PTPN13: variants seen among roughly 807,000 people sequenced by gnomAD.
PTPN13 encodes tyrosine-protein phosphatase non-receptor type 13.
In PTPN13, 191 loss-of-function variants were observed where a neutral mutation model predicts 284.0. The ratio of observed to expected loss-of-function variants is 0.67; its 90% CI spans 0.60 to 0.76. The LOEUF is 0.76. PTPN13 is among the 30% of genes least tolerant of loss of function. The pLI is 0.00. For missense variants in PTPN13, 2,797 were observed against 2,939.9 expected (o/e 0.95, Z 1.12); for synonymous variants, 986 against 1,022.3 (o/e 0.96, Z 0.68).
At chr4:86,707,017 A>G (rs1186452212) in intron 7 of PTPN13, among the ~76,000 whole-genome samples, 2 of 152,080 alleles carry the variant, frequency 1.3e-5, no homozygotes, top group African/African-American at 2.4e-5. Context: ...TATCTGACAA[A>G]TGTCTCTTTC....
chr4:86,627,072 C>T (rs934179234), intron 1 of PTPN13, among the ~76,000 whole-genome samples: 4 of 151,952 alleles, frequency 2.6e-5, no homozygotes, highest in African/African-American at 9.7e-5. Flanking sequence ...ATGGATGAAC[C>T]TTGAGGACAT....
intron 15 of PTPN13, among the ~76,000 whole-genome samples, chr4:86,737,912 C>T (rs180723000): frequency 1.4e-3 from 208 of 152,020 alleles, no homozygotes; most frequent in African/African-American, 4.9e-3. Flanking sequence ...ATATTTTTAG[C>T]AGAGACATGG....
intron 1 of PTPN13, among the ~76,000 whole-genome samples, chr4:86,605,618 A>AT (rs570346786): frequency 1.6e-4 from 25 of 152,048 alleles, no homozygotes; most frequent in Admixed American, 3.9e-4. Flanking sequence ...CTATTGATGA[A>AT]TAGAAATAAA....
intron 40 of PTPN13, among the ~76,000 whole-genome samples, chr4:86,789,302 T>C (rs1742341445): frequency 6.6e-6 from 1 of 152,238 alleles, no homozygotes; most frequent in African/African-American, 2.4e-5. Flanking sequence ...TGTAGTGTTT[T>C]TAATTTCTTA....
At chr4:86,648,598 A>G (rs1438731817) in intron 2 of PTPN13, among the ~76,000 whole-genome samples, 2 of 152,128 alleles carry the variant, frequency 1.3e-5, no homozygotes, top group East Asian at 1.9e-4. Context: ...TGTTGTGTAT[A>G]TATGCCCCAT....
chr4:86,668,752 C>T (rs973712298), intron 2 of PTPN13, among the ~76,000 whole-genome samples: 2 of 149,004 alleles, frequency 1.3e-5, no homozygotes, highest in South Asian at 2.1e-4. Context: ...CCCACCACCA[C>T]GCCCAGCTAA....
intron 20 of PTPN13, among the ~76,000 whole-genome samples, chr4:86,757,238 CATTT>C (rs1738086121): frequency 6.6e-6 from 1 of 152,114 alleles, no homozygotes; most frequent in African/African-American, 2.4e-5. Flanking sequence ...CTGATTATGA[CATTT>C]ATTCAATTTA....
chr4:86,784,625 T>G, intron 38 of PTPN13, 67 bp downstream of exon 38: 3 of 988,866 alleles, frequency 3.0e-6, no homozygotes, highest in South Asian at 1.5e-5. Flanking sequence ...TAAAAAAAAA[T>G]AGGTATCCTC....
At chr4:86,756,208 C>T (rs1737946423) in intron 20 of PTPN13, among the ~76,000 whole-genome samples, 1 of 151,948 alleles carries the variant, frequency 6.6e-6, no homozygotes, top group Admixed American at 6.6e-5. Flanking sequence ...CTTACCACCT[C>T]ATCAATGTGG....
chr4:86,744,871 C>A, intron 16 of PTPN13, 95 bp from the exon 17 acceptor site: 2 of 913,684 alleles, frequency 2.2e-6, no homozygotes, highest in Non-Finnish European at 3.3e-6. Flanking sequence ...GGATTATATT[C>A]ATATTAGATG....
chr4:86,737,553 C>T (rs1346102079), intron 15 of PTPN13, among the ~76,000 whole-genome samples: 1 of 151,996 alleles, frequency 6.6e-6, no homozygotes, highest in Non-Finnish European at 1.5e-5. Context: ...CCTGATACAG[C>T]ACATTTCGAA....
At chr4:86,686,224 T>C (rs1729438661) in intron 3 of PTPN13, among the ~76,000 whole-genome samples, 1 of 152,094 alleles carries the variant, frequency 6.6e-6, no homozygotes, top group Non-Finnish European at 1.5e-5. Context: ...TAGTCAGGCA[T>C]GGTGGCAGGC....
intron 43 of PTPN13, among the ~76,000 whole-genome samples, chr4:86,804,619 G>A (rs1744459940): frequency 6.6e-6 from 1 of 152,146 alleles, no homozygotes; most frequent in South Asian, 2.1e-4. Context: ...ACAAAGTAGT[G>A]TTTATAAGGA....
intron 25 of PTPN13, among the ~76,000 whole-genome samples, chr4:86,765,080 G>A (rs1044073107): frequency 7.2e-5 from 11 of 152,140 alleles, no homozygotes; most frequent in African/African-American, 1.2e-4. Context: ...ATTAAAGACT[G>A]TATATTTCTG....
intron 2 of PTPN13, among the ~76,000 whole-genome samples, chr4:86,638,150 T>C (rs1444682327): frequency 6.6e-6 from 1 of 152,166 alleles, no homozygotes; most frequent in Admixed American, 6.5e-5. Flanking sequence ...CAAGGAGAAC[T>C]ACAAACCACT....
At chr4:86,742,231 T>C (rs1045802349) in intron 16 of PTPN13, among the ~76,000 whole-genome samples, 14 of 152,222 alleles carry the variant, frequency 9.2e-5, no homozygotes, top group Admixed American at 5.9e-4. Context: ...GTTATTTGAA[T>C]CTCAGAGGTA....
At chr4:86,640,060 A>G (rs1017111839) in intron 2 of PTPN13, among the ~76,000 whole-genome samples, 2 of 152,172 alleles carry the variant, frequency 1.3e-5, no homozygotes, top group African/African-American at 2.4e-5. Context: ...AGACAGGGGA[A>G]GAGTGTTTGG....
At chr4:86,677,722 T>C (rs564408660) in intron 3 of PTPN13, among the ~76,000 whole-genome samples, 4 of 152,114 alleles carry the variant, frequency 2.6e-5, no homozygotes, top group Admixed American at 2.0e-4. Flanking sequence ...GTTAGGTCTT[T>C]AAATATCACT....
At position 86,758,442 on chromosome 4, in the gene PTPN13, C is replaced by T. The variant is rs182164188; in HGVS notation, c.3313+93C>T. 483 of 1,121,668 alleles carry T rather than the reference C, an allele frequency of 4.3e-4. 2 individuals are homozygous for T. Among genetic ancestry groups the T allele is most frequent in the Non-Finnish European group, 2.3e-4 (180 of 767,254 alleles). The allele number at this position is 1,121,668 out of a possible 1,614,324, so 69.5% of individuals were successfully genotyped here. A position where few individuals can be genotyped will look rare whatever the true frequency, so the allele number is the denominator to read the frequency against. ...GCATTGGCATTGCAGTGCCAGCTCA[C>T]TTCTGGTCTCAAGATACTGACTGGC... On this transcript the variant is annotated intron_variant, in intron 21 of 47. Transcript: ENST00000411767.
Sources: allele counts gnomAD v4.1 joint callset (sites outside exome capture counted in the v4.1 genomes callset), GRCh38; gene constraint gnomAD v4.1.1; transcripts MANE v1.5; gene names NCBI Gene and HGNC (gene_info 2026-07-23, HGNC 2026-07-21).